FAM13A: variants seen among roughly 807,000 people sequenced by gnomAD.
The protein encoded by FAM13A is family with sequence similarity 13 member A, also known as protein FAM13A.
FAM13A carries 76 observed loss-of-function variants against 129.6 expected under a neutral mutation model. The ratio of observed to expected loss-of-function variants is 0.59; its 90% CI spans 0.49 to 0.71. The LOEUF is 0.71. Among genes scored for constraint, FAM13A ranks in the 30% least tolerant of loss-of-function variants. FAM13A has a pLI of 0.00. For synonymous variants in FAM13A, 443 were observed against 449.9 expected, an observed-to-expected ratio of 0.98 and a Z score of 0.20; for missense variants, 1,108 against 1,249.3, an observed-to-expected ratio of 0.89 and a Z score of 1.70.
intron 3 of FAM13A, among the ~76,000 whole-genome samples, chr4:88,999,858 G>T (rs551726202): frequency 7.2e-5 from 11 of 152,094 alleles, no homozygotes; most frequent in Non-Finnish European, 1.6e-4. Flanking sequence ...CTAATCATCT[G>T]GCTATCCCTT....
rs368139351 is a variant in FAM13A, at chr4:88,899,415, C to A, written c.843+6964G>T. Among the ~76,000 whole-genome samples the A allele has an allele frequency of 8.5e-5, 13 of 152,084 alleles. 1 individual carries two copies. In the South Asian group the frequency reaches 2.5e-3, roughly 29 times the overall value. ...GCTTGGGTGATAAGTGAACCAAAATCTCACAAATCACCACTAAAGAACTTA... is the reference window on the plus strand; with the variant it reads ...GCTTGGGTGATAAGTGAACCAAAATATCACAAATCACCACTAAAGAACTTA... On this transcript the variant is annotated intron_variant, in intron 6 of 23. Coordinates refer to ENST00000264344, the MANE Select transcript of FAM13A (RefSeq NM_014883.4).
chr4:89,025,255 T>TTTTTG (rs1767799373), intron 2 of FAM13A, among the ~76,000 whole-genome samples: 2 of 62,928 alleles, frequency 3.2e-5, no homozygotes, highest in Non-Finnish European at 5.7e-5. Context: ...GTTTTTTTTT[T>TTTTTG]TTTTTTTTTT....
rs796992917 is a variant in FAM13A at position 88,963,486 on chromosome 4, C to T, written c.606-25245G>A. On this transcript the variant is annotated intron_variant, in intron 4 of 23. Transcript: ENST00000264344. ...CGAATTTTTGTATTTTTATTAGAGA[C>T]GGGGTTTCATCATGTAGGCCGGGAT... Among the ~76,000 whole-genome samples, 110 of 152,014 alleles carry T rather than the reference C, an allele frequency of 7.2e-4. 1 individual carries two copies. The highest frequency in any genetic ancestry group is 6.8e-3 in the Middle Eastern group (2 of 292).
At chr4:88,787,658 C>G in intron 10 of FAM13A, 95 bp downstream of exon 10, 1 of 1,122,854 alleles carries the variant, frequency 8.9e-7, no homozygotes. Flanking sequence ...GGGAGAGGAC[C>G]AGGAGGTATG....
At chr4:88,897,945 T>C (rs956087598) in intron 6 of FAM13A, among the ~76,000 whole-genome samples, 21 of 152,172 alleles carry the variant, frequency 1.4e-4, no homozygotes, top group Admixed American at 1.3e-4. Flanking sequence ...CTCATCCATG[T>C]AAGGCCACAA....
chr4:88,967,038 T>C (rs1176354670), intron 4 of FAM13A, among the ~76,000 whole-genome samples: 1 of 152,224 alleles, frequency 6.6e-6, no homozygotes, highest in Non-Finnish European at 1.5e-5. Context: ...TTGTGAAAGT[T>C]ACTTAGCTCA....
chr4:88,836,245 TACC>T (rs1447470108), intron 7 of FAM13A, among the ~76,000 whole-genome samples: 1 of 152,224 alleles, frequency 6.6e-6, no homozygotes. Flanking sequence ...ATATATACAT[TACC>T]ACAATAAAAA....
chr4:89,018,644 T>G (rs1766846572), intron 3 of FAM13A, among the ~76,000 whole-genome samples: 1 of 152,246 alleles, frequency 6.6e-6, no homozygotes, highest in Non-Finnish European at 1.5e-5. Context: ...CAAAGATATT[T>G]AAGCAGGAAA....
At chr4:88,782,958 T>C (rs940378963) in intron 10 of FAM13A, among the ~76,000 whole-genome samples, 1 of 152,106 alleles carries the variant, frequency 6.6e-6, no homozygotes, top group African/African-American at 2.4e-5. Flanking sequence ...TTCCTAGCCT[T>C]TTTTTCTGTT....
At chr4:88,762,925 T>C (rs1745076743) in intron 13 of FAM13A, among the ~76,000 whole-genome samples, 1 of 152,218 alleles carries the variant, frequency 6.6e-6, no homozygotes, top group South Asian at 2.1e-4. Flanking sequence ...AAGATCCTTG[T>C]ACCGTGATGT....
At chr4:88,831,632 G>A (rs1229302763) in intron 7 of FAM13A, among the ~76,000 whole-genome samples, 1 of 152,024 alleles carries the variant, frequency 6.6e-6, no homozygotes, top group African/African-American at 2.4e-5. Context: ...TAAAAATAAG[G>A]GGAAGTAATA....
intron 4 of FAM13A, among the ~76,000 whole-genome samples, chr4:88,961,880 T>C (rs1328195542): frequency 6.6e-6 from 1 of 152,166 alleles, no homozygotes; most frequent in Admixed American, 6.5e-5. Flanking sequence ...CTTTTAATCT[T>C]ATATATAGCA....
chr4:88,966,158 T>C (rs1759321876), intron 4 of FAM13A, among the ~76,000 whole-genome samples: 1 of 152,208 alleles, frequency 6.6e-6, no homozygotes, highest in Non-Finnish European at 1.5e-5. Context: ...ACTAATGTGA[T>C]TTTTGAAACT....
chr4:89,020,067 G>A (rs752674056), intron 3 of FAM13A, among the ~76,000 whole-genome samples: 29 of 151,900 alleles, frequency 1.9e-4, no homozygotes, highest in South Asian at 8.3e-4. Flanking sequence ...TCAATATTAC[G>A]TTACTGAAGT....
chr4:88,891,866 T>C (rs1745378261), intron 6 of FAM13A, among the ~76,000 whole-genome samples: 1 of 152,036 alleles, frequency 6.6e-6, no homozygotes, highest in Non-Finnish European at 1.5e-5. Flanking sequence ...TAAGCAGATA[T>C]ATAAAGGAAA....
chr4:88,994,940 G>A (rs558547746), intron 3 of FAM13A, among the ~76,000 whole-genome samples: 13 of 151,868 alleles, frequency 8.6e-5, no homozygotes, highest in South Asian at 8.3e-4. Flanking sequence ...TCATGTTCTC[G>A]TATTTATATT....
rs373186617 is a variant in FAM13A at position 88,776,972 on chromosome 4, TCAAACAAA to T, written c.1458+4185_1458+4192del. Among the ~76,000 whole-genome samples the T allele has an allele frequency of 5.6e-3, 845 of 151,952 alleles. 5 individuals are homozygous for T. The highest frequency in any genetic ancestry group is 0.018 in the African/African-American group (748 of 41,452). On this transcript the variant is annotated intron_variant, in intron 11 of 23. Coordinates refer to ENST00000264344, the MANE Select transcript of FAM13A (RefSeq NM_014883.4). ...TGGGCAATAAGAGTGAAACTCCATC[TCAAACAAA>T]CAAACAAACAAACAAACAAAAAGGA...
At chr4:88,946,464 T>C (rs1339396178) in intron 4 of FAM13A, among the ~76,000 whole-genome samples, 1 of 150,226 alleles carries the variant, frequency 6.7e-6, no homozygotes, top group African/African-American at 2.5e-5. Flanking sequence ...GTCTCTTTTA[T>C]AGAATTAGCA....
At chr4:88,875,121 A>G (rs1742163057) in intron 6 of FAM13A, among the ~76,000 whole-genome samples, 1 of 152,188 alleles carries the variant, frequency 6.6e-6, no homozygotes, top group South Asian at 2.1e-4. Flanking sequence ...CCTTCCTTAC[A>G]TCTTATACAA....
Sources: gnomAD v4.1 joint callset for allele counts (sites outside exome capture counted in the v4.1 genomes callset) on GRCh38, gnomAD v4.1.1 for gene constraint, MANE v1.5 for transcripts, NCBI Gene and HGNC (gene_info 2026-07-23, HGNC 2026-07-21) for gene names.